Variants in ELOVL6 observed in about 807,000 individuals in gnomAD.
The protein encoded by ELOVL6 is ELOVL fatty acid elongase 6, also known as very long chain fatty acid elongase 6.
ELOVL6 carries 8 observed loss-of-function variants against 31.7 expected under a neutral mutation model. The observed-to-expected ratio is 0.25, with a 90% confidence interval of 0.15 to 0.45. The LOEUF is 0.45. Ranked by LOEUF, ELOVL6 falls within the 20% of genes least tolerant of loss-of-function variation. The pLI is 1.00. For synonymous variants in ELOVL6, 101 were observed against 117.7 expected (o/e 0.86, Z 0.92); for missense variants, 126 against 326.4 (o/e 0.39, Z 4.73).
chr4:110,166,618 G>GA (rs1251327532), intron 1 of ELOVL6, among the ~76,000 whole-genome samples: 8 of 151,996 alleles, frequency 5.3e-5, no homozygotes, highest in Middle Eastern at 3.4e-3. Flanking sequence ...TCAAAAAAAA[G>GA]AAAAAATTCT....
chr4:110,198,825 G>C (rs1759905274), upstream of ELOVL6: 1 of 154,890 alleles, frequency 6.5e-6, no homozygotes. Context: ...AGGTCATCCA[G>C]ATCCCCTAAG....
intron 1 of ELOVL6, among the ~76,000 whole-genome samples, chr4:110,197,542 T>G (rs1182523923): frequency 2.0e-5 from 3 of 152,182 alleles, no homozygotes. Flanking sequence ...AAACAGAAAC[T>G]TAATAATGGC....
chr4:110,170,489 GC>G (rs1416150593), intron 1 of ELOVL6, among the ~76,000 whole-genome samples: 2 of 152,204 alleles, frequency 1.3e-5, no homozygotes, highest in Non-Finnish European at 2.9e-5. Context: ...AAATTAAGTT[GC>G]CCAATGTGCA....
intron 1 of ELOVL6, among the ~76,000 whole-genome samples, chr4:110,154,407 A>G (rs1190676186): frequency 6.6e-6 from 1 of 152,146 alleles, no homozygotes; most frequent in Non-Finnish European, 1.5e-5. Flanking sequence ...GACATGCACC[A>G]TCACACCTGA....
intron 2 of ELOVL6, among the ~76,000 whole-genome samples, chr4:110,097,235 G>A (rs1045003406): frequency 2.0e-5 from 3 of 149,782 alleles, no homozygotes; most frequent in South Asian, 2.2e-4. Flanking sequence ...AATCAGGGAG[G>A]TGGAGGTTGC....
chr4:110,144,041 C>T (rs376834897), intron 1 of ELOVL6, among the ~76,000 whole-genome samples: 2,008 of 115,964 alleles, frequency 0.017, 26 homozygotes, highest in Middle Eastern at 0.055. Context: ...GCAACAAGAG[C>T]GAAACTCCAT....
chr4:110,123,540 T>C (rs1254155054), intron 1 of ELOVL6, among the ~76,000 whole-genome samples: 2 of 151,910 alleles, frequency 1.3e-5, no homozygotes, highest in African/African-American at 2.4e-5. Flanking sequence ...ATTACAAATA[T>C]TATGGAAAGA....
chr4:110,081,394 G>GCGC (rs1755844558), intron 2 of ELOVL6, among the ~76,000 whole-genome samples: 1 of 152,112 alleles, frequency 6.6e-6, no homozygotes, highest in African/African-American at 2.4e-5. Context: ...CCAAAACAGA[G>GCGC]ATATAGACCA....
At chr4:110,185,604 G>A (rs576473299) in intron 1 of ELOVL6, among the ~76,000 whole-genome samples, 1 of 152,142 alleles carries the variant, frequency 6.6e-6, no homozygotes, top group Non-Finnish European at 1.5e-5. Context: ...AATAAAATTT[G>A]AGAAATGGCT....
intron 1 of ELOVL6, among the ~76,000 whole-genome samples, chr4:110,160,045 T>A (rs1560850553): frequency 6.6e-6 from 1 of 152,086 alleles, no homozygotes; most frequent in East Asian, 1.9e-4. Context: ...GAAAAACACT[T>A]AAACATCAAA....
chr4:110,197,096 G>T (rs1468558647), intron 1 of ELOVL6, among the ~76,000 whole-genome samples: 1 of 152,194 alleles, frequency 6.6e-6, no homozygotes, highest in Admixed American at 6.5e-5. Context: ...GCGCGCTCGC[G>T]CACGCGGCGG....
At chr4:110,093,853 G>C (rs1014083134) in intron 2 of ELOVL6, among the ~76,000 whole-genome samples, 1 of 152,130 alleles carries the variant, frequency 6.6e-6, no homozygotes, top group African/African-American at 2.4e-5. Context: ...GCAATTACAA[G>C]CATGGATGGG....
At chr4:110,116,732 C>G (rs1399058998) in intron 1 of ELOVL6, among the ~76,000 whole-genome samples, 1 of 152,124 alleles carries the variant, frequency 6.6e-6, no homozygotes, top group Non-Finnish European at 1.5e-5. Flanking sequence ...AGTATGTTTT[C>G]CTGTTTGTGG....
chr4:110,055,945 G>A (rs1175711832), intron 3 of ELOVL6, among the ~76,000 whole-genome samples: 4 of 152,112 alleles, frequency 2.6e-5, no homozygotes, highest in African/African-American at 7.2e-5. Flanking sequence ...GAAACAGAAA[G>A]GTCTTCTTGC....
At position 110,047,561 on chromosome 4, in the gene ELOVL6, G is replaced by A. The variant is rs932623140; in HGVS notation, c.*3777C>T. On this transcript the variant is annotated 3_prime_UTR_variant, in exon 4 of 4. Coordinates refer to ENST00000302274, the MANE Select transcript of ELOVL6 (RefSeq NM_024090.3). Reference sequence around the variant, plus strand: ...GGAGCTTTGTTACTCTGATGTGACAGGCTTTACCTTATGAAGATGCTACAT... The same window carrying A: ...GGAGCTTTGTTACTCTGATGTGACAAGCTTTACCTTATGAAGATGCTACAT... 6.6e-6 allele frequency: 1 copy of A among 152,190 alleles called. No individual in the cohort carries two copies. Among genetic ancestry groups the A allele is most frequent in the African/African-American group, 2.4e-5 (1 of 41,438 alleles). 9.4% of individuals were successfully genotyped at this position (152,190 alleles called of 1,614,324 possible).
intron 2 of ELOVL6, among the ~76,000 whole-genome samples, chr4:110,102,520 G>A (rs1392679413): frequency 2.0e-5 from 3 of 152,028 alleles, no homozygotes; most frequent in African/African-American, 4.8e-5. Flanking sequence ...CTAGCTGGCC[G>A]TGGTGGTACA....
intron 1 of ELOVL6, among the ~76,000 whole-genome samples, chr4:110,153,006 A>G (rs1314421634): frequency 6.6e-6 from 1 of 152,202 alleles, no homozygotes; most frequent in Non-Finnish European, 1.5e-5. Context: ...AAGAGCAGGA[A>G]TGACACAGTA....
chr4:110,067,993 A>G (rs1184601781), intron 2 of ELOVL6, among the ~76,000 whole-genome samples: 2 of 152,176 alleles, frequency 1.3e-5, no homozygotes, highest in African/African-American at 2.4e-5. Context: ...CCTTTCACAG[A>G]GCTCTCCTCT....
chr4:110,130,432 G>C (rs933243970), intron 1 of ELOVL6, among the ~76,000 whole-genome samples: 1 of 152,094 alleles, frequency 6.6e-6, no homozygotes, highest in Admixed American at 6.6e-5. Flanking sequence ...AGACAGCGGG[G>C]AAACAAAAAC....
Sources: allele counts gnomAD v4.1 joint callset (sites outside exome capture counted in the v4.1 genomes callset), GRCh38; gene constraint gnomAD v4.1.1; transcripts MANE v1.5; gene names NCBI Gene and HGNC (gene_info 2026-07-23, HGNC 2026-07-21).